Variants in REDIC1 observed in about 807,000 individuals in gnomAD.
REDIC1 encodes the protein HEI10 Interacting Protein 1.
At chr12:39,898,103 GT>G in the REDIC1 span, among the ~76,000 whole-genome samples, 2 of 151,994 alleles carry the variant, frequency 1.3e-5, no homozygotes, top group Admixed American at 1.3e-4. Context: ...TATAATTTTT[GT>G]TCTTATTTAA....
the REDIC1 span, among the ~76,000 whole-genome samples, chr12:39,686,675 A>C: frequency 6.6e-6 from 1 of 152,180 alleles, no homozygotes; most frequent in Non-Finnish European, 1.5e-5. Context: ...TACTTATGCA[A>C]ATTTCTGCAG....
At chr12:39,874,801 A>T in the REDIC1 span, among the ~76,000 whole-genome samples, 5 of 152,162 alleles carry the variant, frequency 3.3e-5, no homozygotes. Flanking sequence ...CTATGAAGAC[A>T]TTACTCTGGT....
the REDIC1 span, among the ~76,000 whole-genome samples, chr12:39,629,012 A>G: frequency 6.6e-5 from 10 of 152,192 alleles, no homozygotes; most frequent in Admixed American, 2.6e-4. Flanking sequence ...AGTGCCACAA[A>G]TAAAGTAAAT....
the REDIC1 span, among the ~76,000 whole-genome samples, chr12:39,711,742 T>G: frequency 7.7e-6 from 1 of 129,408 alleles, no homozygotes; most frequent in Non-Finnish European, 1.7e-5. Flanking sequence ...TGTGTATGTG[T>G]GTATACACAT....
the REDIC1 span, among the ~76,000 whole-genome samples, chr12:39,760,718 T>C: frequency 9.9e-5 from 15 of 151,962 alleles, no homozygotes; most frequent in Admixed American, 6.6e-5. Context: ...GAATGTAAAC[T>C]CCATGAAGTC....
At chr12:39,671,287 T>C in the REDIC1 span, among the ~76,000 whole-genome samples, 1 of 152,150 alleles carries the variant, frequency 6.6e-6, no homozygotes. Flanking sequence ...CTCTGTATAA[T>C]TTCTTTAACT....
the REDIC1 span, among the ~76,000 whole-genome samples, chr12:39,698,704 A>G: frequency 6.6e-6 from 1 of 152,246 alleles, no homozygotes; most frequent in East Asian, 1.9e-4. Context: ...AACTATACAA[A>G]TACATGAAAA....
the REDIC1 span, among the ~76,000 whole-genome samples, chr12:39,878,404 C>T: frequency 1.3e-4 from 20 of 152,278 alleles, no homozygotes; most frequent in South Asian, 2.7e-3. Flanking sequence ...GTGATATGGA[C>T]GGTGAAGTCT....
chr12:39,725,073 A>G, the REDIC1 span, among the ~76,000 whole-genome samples: 1 of 152,160 alleles, frequency 6.6e-6, no homozygotes, highest in South Asian at 2.1e-4. Flanking sequence ...CCAACATAAT[A>G]AAATGACAGA....
At chr12:39,658,585 T>A in the REDIC1 span, among the ~76,000 whole-genome samples, 4 of 152,248 alleles carry the variant, frequency 2.6e-5, no homozygotes, top group Non-Finnish European at 5.9e-5. Flanking sequence ...GAATATGGTT[T>A]ACATTTAATA....
the REDIC1 span, among the ~76,000 whole-genome samples, chr12:39,892,331 T>C: frequency 6.6e-6 from 1 of 151,952 alleles, no homozygotes; most frequent in South Asian, 2.1e-4. Context: ...AGCTGACTTG[T>C]GTGTGTGTGT....
At chr12:39,678,711 C>T in the REDIC1 span, among the ~76,000 whole-genome samples, 1 of 150,208 alleles carries the variant, frequency 6.7e-6, no homozygotes, top group East Asian at 1.9e-4. Context: ...AAAATACTAG[C>T]TAACTGAATC....
chr12:39,830,381 G>T, the REDIC1 span: 1 of 1,400,206 alleles, frequency 7.1e-7, no homozygotes, highest in Non-Finnish European at 9.3e-7. Context: ...GACATGCGCT[G>T]AGCCAGGTGA....
the REDIC1 span, among the ~76,000 whole-genome samples, chr12:39,657,229 CATT>C: frequency 8.4e-3 from 1,279 of 152,236 alleles, 17 homozygotes; most frequent in African/African-American, 0.029. Flanking sequence ...ACACAAATAT[CATT>C]GTGTTACACT....
chr12:39,896,501 T>C, the REDIC1 span, among the ~76,000 whole-genome samples: 1 of 147,246 alleles, frequency 6.8e-6, no homozygotes, highest in Non-Finnish European at 1.5e-5. Flanking sequence ...TACACATATA[T>C]GTATGTACAT....
the REDIC1 span, among the ~76,000 whole-genome samples, chr12:39,774,621 G>A: frequency 6.8e-6 from 1 of 146,616 alleles, no homozygotes. Flanking sequence ...TTTTCCTGCA[G>A]AAGATTGTCA....
At chr12:39,726,500 T>C in the REDIC1 span, among the ~76,000 whole-genome samples, 1 of 152,164 alleles carries the variant, frequency 6.6e-6, no homozygotes, top group Non-Finnish European at 1.5e-5. Flanking sequence ...ACTCATCCTC[T>C]TTTTATGGCT....
At chr12:39,740,973 T>TATA in the REDIC1 span, among the ~76,000 whole-genome samples, 1 of 151,984 alleles carries the variant, frequency 6.6e-6, no homozygotes, top group Non-Finnish European at 1.5e-5. Flanking sequence ...ATATTATTAT[T>TATA]ATTATTTTTT....
At chr12:39,668,968 A>T in the REDIC1 span, among the ~76,000 whole-genome samples, 6 of 151,920 alleles carry the variant, frequency 3.9e-5, no homozygotes, top group African/African-American at 1.5e-4. Context: ...ATTTTTTTCA[A>T]GGTTTTTAAC....
Sources: gnomAD v4.1 joint callset for allele counts (sites outside exome capture counted in the v4.1 genomes callset) on GRCh38, gnomAD v4.1.1 for gene constraint, MANE v1.5 for transcripts, NCBI Gene and HGNC (gene_info 2026-07-23, HGNC 2026-07-21) for gene names.